RAD51B: variants seen among roughly 807,000 people sequenced by gnomAD.
RAD51B encodes the protein RAD51 paralog B, also known as DNA repair protein RAD51 homolog 2.
RAD51B carries 38 observed loss-of-function variants against 42.2 expected under a neutral mutation model. The observed-to-expected ratio is 0.90, with a 90% CI of 0.70 to 1.18. The LOEUF (loss-of-function observed/expected upper bound fraction) is 1.18. RAD51B is among the 50% of genes most tolerant of loss of function. RAD51B has a pLI of 0.00. For missense variants in RAD51B, 373 were observed against 400.7 expected (o/e 0.93, Z 0.59); for synonymous variants, 154 against 145.2 (o/e 1.06, Z -0.43).
chr14:67,885,804 G>T (rs1213677331), intron 5 of RAD51B, 65 bp from the exon 6 acceptor site: 20 of 1,516,512 alleles, frequency 1.3e-5, no homozygotes, highest in Non-Finnish European at 1.7e-5. Flanking sequence ...ATTAATTAGA[G>T]ATTCAGCAAT....
chr14:67,825,431 T>C (rs754248308), intron 2 of RAD51B, 33 bp from the exon 3 acceptor site: 3 of 1,466,054 alleles, frequency 2.0e-6, no homozygotes, highest in East Asian at 2.3e-5. Context: ...GTTACACATA[T>C]ATGTTTAAAA....
chr14:68,610,843 ATGTGTGTGTGTGTGTGTGTG>A (rs60173412), intron 10 of RAD51B, among the ~76,000 whole-genome samples: 5 of 144,896 alleles, frequency 3.5e-5, no homozygotes, highest in Non-Finnish European at 6.0e-5. Flanking sequence ...CTGAATGTAT[ATGTGTGTGTGTGTGTGTGTG>A]TGTGTGTGTG....
intron 9 of RAD51B, among the ~76,000 whole-genome samples, chr14:68,424,093 C>T (rs558177081): frequency 2.0e-5 from 3 of 152,158 alleles, no homozygotes; most frequent in Non-Finnish European, 4.4e-5. Flanking sequence ...GTGCTCACCT[C>T]TCTCCTCCAG....
intron 7 of RAD51B, among the ~76,000 whole-genome samples, chr14:67,919,340 T>G (rs2044250587): frequency 1.3e-5 from 2 of 152,130 alleles, no homozygotes; most frequent in African/African-American, 4.8e-5. Context: ...GCAGTAGAGC[T>G]CTCTGCCTAA....
intron 5 of RAD51B, among the ~76,000 whole-genome samples, chr14:67,868,268 C>T (rs1460065917): frequency 1.3e-5 from 2 of 152,206 alleles, no homozygotes; most frequent in Non-Finnish European, 2.9e-5. Flanking sequence ...CATTGCCTCA[C>T]TCGGGAAGCG....
chr14:68,011,777 T>C (rs2075687199), intron 7 of RAD51B, among the ~76,000 whole-genome samples: 1 of 152,094 alleles, frequency 6.6e-6, no homozygotes, highest in Non-Finnish European at 1.5e-5. Context: ...TAAATTTGCT[T>C]GATTAAGCTG....
chr14:67,908,034 T>C (rs1370631124), intron 7 of RAD51B, among the ~76,000 whole-genome samples: 2 of 152,214 alleles, frequency 1.3e-5, no homozygotes, highest in Non-Finnish European at 2.9e-5. Flanking sequence ...GGCTTCTTTT[T>C]TTCCTGTGTG....
chr14:68,159,387 T>A (rs2078587450), intron 7 of RAD51B, among the ~76,000 whole-genome samples: 1 of 152,118 alleles, frequency 6.6e-6, no homozygotes, highest in Admixed American at 6.5e-5. Context: ...TTTGGGAGGC[T>A]GCGGTGGGCG....
intron 10 of RAD51B, among the ~76,000 whole-genome samples, chr14:68,645,024 T>A (rs1316785559): frequency 6.6e-6 from 1 of 152,242 alleles, no homozygotes; most frequent in Non-Finnish European, 1.5e-5. Context: ...ACCTAAACTA[T>A]TTTTAAGTGT....
chr14:68,362,969 TCCTGGGCACCA>T (rs1320412371), intron 8 of RAD51B, among the ~76,000 whole-genome samples: 3 of 152,166 alleles, frequency 2.0e-5, no homozygotes, highest in African/African-American at 4.8e-5. Context: ...TCTTGCACAG[TCCTGGGCACCA>T]CTGGGAGGAG....
At chr14:68,314,795 C>T (rs568770681) in intron 8 of RAD51B, among the ~76,000 whole-genome samples, 8 of 152,152 alleles carry the variant, frequency 5.3e-5, no homozygotes, top group African/African-American at 7.2e-5. Context: ...GTAGAGCGTG[C>T]GACCAATTTA....
At chr14:68,448,515 C>T (rs928923954) in intron 9 of RAD51B, among the ~76,000 whole-genome samples, 2 of 152,134 alleles carry the variant, frequency 1.3e-5, no homozygotes, top group African/African-American at 4.8e-5. Context: ...AATGTCTAAG[C>T]CAGTACTTGG....
intron 11 of RAD51B, among the ~76,000 whole-genome samples, chr14:68,670,627 C>T (rs911838324): frequency 5.3e-5 from 8 of 152,186 alleles, no homozygotes; most frequent in Admixed American, 6.5e-5. Flanking sequence ...ATTGCACAGC[C>T]CTTGCCCTCC....
intron 7 of RAD51B, among the ~76,000 whole-genome samples, chr14:68,174,922 A>G (rs1566704937): frequency 6.6e-6 from 1 of 152,346 alleles, no homozygotes; most frequent in East Asian, 1.9e-4. Flanking sequence ...CTAAGTTTTT[A>G]GCTTTATCCT....
intron 7 of RAD51B, among the ~76,000 whole-genome samples, chr14:68,271,909 C>T (rs556257623): frequency 1.5e-4 from 23 of 152,306 alleles, no homozygotes; most frequent in Admixed American, 3.9e-4. Context: ...GGGAGCCTCC[C>T]AAATTTGCCA....
intron 7 of RAD51B, among the ~76,000 whole-genome samples, chr14:68,243,778 G>T (rs1321084630): frequency 6.6e-6 from 1 of 152,024 alleles, no homozygotes; most frequent in Non-Finnish European, 1.5e-5. Flanking sequence ...TTTAAACATG[G>T]TTCTGGCAGT....
chr14:67,893,492 ACAC>A (rs1566945232), intron 7 of RAD51B, among the ~76,000 whole-genome samples: 17 of 81,224 alleles, frequency 2.1e-4, no homozygotes, highest in African/African-American at 8.0e-4. Flanking sequence ...ACACACACAC[ACAC>A]ACACACACAC....
intron 10 of RAD51B, among the ~76,000 whole-genome samples, chr14:68,638,718 G>C (rs187148914): frequency 4.6e-5 from 7 of 152,082 alleles, no homozygotes; most frequent in African/African-American, 1.2e-4. Flanking sequence ...GCAAACCTGC[G>C]CAGCACTGCA....
chr14:68,237,169 C>A (rs2080276600), intron 7 of RAD51B, among the ~76,000 whole-genome samples: 1 of 152,174 alleles, frequency 6.6e-6, no homozygotes, highest in Non-Finnish European at 1.5e-5. Context: ...GGCTTTAAAT[C>A]TTTTCCAGCC....
Sources: gnomAD v4.1 joint callset for allele counts (sites outside exome capture counted in the v4.1 genomes callset) on GRCh38, gnomAD v4.1.1 for gene constraint, MANE v1.5 for transcripts, NCBI Gene and HGNC (gene_info 2026-07-23, HGNC 2026-07-21) for gene names.